PHLPP1: variants seen among roughly 807,000 people sequenced by gnomAD.
PHLPP1 encodes PH domain leucine-rich repeat-containing protein phosphatase 1.
PHLPP1 carries 42 observed loss-of-function variants against 117.2 expected under a neutral mutation model. The observed-to-expected ratio is 0.36, with a 90% confidence interval of 0.28 to 0.46. PHLPP1 has a LOEUF of 0.46. PHLPP1 is among the 20% of genes least tolerant of loss of function. The pLI, the probability that PHLPP1 is intolerant of heterozygous loss-of-function variation, is 1.00. For synonymous variants in PHLPP1, 1,042 were observed against 970.7 expected (o/e 1.07, Z -1.37); for missense variants, 2,084 against 2,241.9 (o/e 0.93, Z 1.42).
Position 62,715,762 on chromosome 18 carries a change from GCC to G in PHLPP1, c.80_81del (p.Ala27GlyfsTer235). The G allele has an allele frequency of 1.8e-5, 17 of 956,808 alleles. No homozygotes were observed. The highest frequency in any genetic ancestry group is 5.5e-5 in the East Asian group (1 of 18,024). 59.3% of individuals were successfully genotyped at this position (956,808 alleles called of 1,614,324 possible). A position where few individuals can be genotyped will look rare whatever the true frequency, so the allele number is the denominator to read the frequency against. The stretch of plus-strand genomic sequence containing the variant: ...GGACCGAGCTTCGGCTCCGGCGGCC[GCC>G]GCTGCGGCAGCAGCAGCAGCAGCGG... ...REDRASAPAAAAAAAAAAAAA... is the reference protein window; with the variant it reads ...REDRASAPAAXAAAAAAAAAA... On this transcript the variant is annotated frameshift_variant, in exon 1 of 17. Transcript: ENST00000262719. LOFTEE classifies it high-confidence loss of function.
intron 4 of PHLPP1, among the ~76,000 whole-genome samples, chr18:62,873,590 C>G (rs1462707823): frequency 6.6e-6 from 1 of 152,110 alleles, no homozygotes; most frequent in Non-Finnish European, 1.5e-5. Context: ...TATAGAGAAA[C>G]AAAACTAGCA....
intron 1 of PHLPP1, among the ~76,000 whole-genome samples, chr18:62,805,134 T>C (rs929219841): frequency 1.4e-5 from 2 of 142,044 alleles, no homozygotes; most frequent in Admixed American, 1.4e-4. Context: ...CTGCATAGGT[T>C]ATACATATAC....
intron 4 of PHLPP1, among the ~76,000 whole-genome samples, chr18:62,877,869 T>C (rs1202178230): frequency 1.3e-5 from 2 of 152,218 alleles, no homozygotes; most frequent in Non-Finnish European, 2.9e-5. Flanking sequence ...TTCCCTCATA[T>C]AGTACATTTT....
In PHLPP1 at chr18:62,980,256, C is replaced by G. The variant is rs1192208798; in HGVS notation, c.*825C>G. ...AGGGCCCTGAACCCATTTTCCTCCC[C>G]TGTCCCAGCCTTCCCACTTTGACAG... On this transcript the variant is annotated 3_prime_UTR_variant, in exon 17 of 17. Transcript: ENST00000262719. 1.3e-5 allele frequency: 2 copies of G among 153,020 alleles called. No individual in the cohort carries two copies. The highest frequency in any genetic ancestry group is 4.8e-5 in the African/African-American group (2 of 41,456). 9.5% of individuals were successfully genotyped at this position (153,020 alleles called of 1,614,324 possible). A position where few individuals can be genotyped will look rare whatever the true frequency, so the allele number is the denominator to read the frequency against.
chr18:62,971,154 A>C (rs1475920929), intron 14 of PHLPP1, among the ~76,000 whole-genome samples: 1 of 152,054 alleles, frequency 6.6e-6, no homozygotes, highest in Non-Finnish European at 1.5e-5. Flanking sequence ...GTTTCTAGCA[A>C]TTTGATTTTG....
intron 10 of PHLPP1, among the ~76,000 whole-genome samples, chr18:62,933,252 GA>G (rs1402112929): frequency 2.0e-5 from 3 of 151,886 alleles, no homozygotes; most frequent in Non-Finnish European, 4.4e-5. Flanking sequence ...CATGAAATTA[GA>G]AAAAAATTAT....
At chr18:62,875,080 G>A (rs968318510) in intron 4 of PHLPP1, among the ~76,000 whole-genome samples, 8 of 152,160 alleles carry the variant, frequency 5.3e-5, no homozygotes, top group Admixed American at 2.0e-4. Flanking sequence ...TCAGCCTCCC[G>A]AGTAGCTGGG....
chr18:62,905,105 C>T, intron 7 of PHLPP1, 119 bp from the exon 8 acceptor site: 1 of 496,276 alleles, frequency 2.0e-6, no homozygotes, highest in Non-Finnish European at 3.3e-6. Flanking sequence ...ATGTATTGTA[C>T]TTCCTAAACT....
At chr18:62,935,457 C>T (rs1267589730) in intron 10 of PHLPP1, among the ~76,000 whole-genome samples, 1 of 152,116 alleles carries the variant, frequency 6.6e-6, no homozygotes, top group African/African-American at 2.4e-5. Flanking sequence ...GATTACTTTG[C>T]AAATTTAACA....
chr18:62,933,372 C>T (rs2047820137), intron 10 of PHLPP1, among the ~76,000 whole-genome samples: 1 of 151,898 alleles, frequency 6.6e-6, no homozygotes, highest in Non-Finnish European at 1.5e-5. Context: ...ATACTGCAAA[C>T]ACTGTAGGTA....
At chr18:62,900,313 A>T (rs1599110593) in intron 6 of PHLPP1, among the ~76,000 whole-genome samples, 1 of 17,504 alleles carries the variant, frequency 5.7e-5, no homozygotes, top group African/African-American at 1.9e-4. Flanking sequence ...ATAAATAAAT[A>T]AATAAATAAA....
At chr18:62,755,988 C>A (rs900575557) in intron 1 of PHLPP1, among the ~76,000 whole-genome samples, 6 of 148,202 alleles carry the variant, frequency 4.0e-5, no homozygotes, top group African/African-American at 1.3e-4. Context: ...TTGTTCCCCC[C>A]CCCCTTCAAT....
chr18:62,940,738 AATTT>A (rs1268727947), intron 10 of PHLPP1, among the ~76,000 whole-genome samples: 2 of 152,036 alleles, frequency 1.3e-5, no homozygotes, highest in African/African-American at 4.8e-5. Flanking sequence ...TTTAATGTAA[AATTT>A]ATTTAAGTAC....
intron 1 of PHLPP1, among the ~76,000 whole-genome samples, chr18:62,742,808 A>T (rs1911569366): frequency 6.6e-6 from 1 of 152,238 alleles, no homozygotes; most frequent in Admixed American, 6.5e-5. Context: ...TCCTTTTCTT[A>T]GAAAAGAAAA....
Position 62,926,380 on chromosome 18 carries a change from C to T in PHLPP1, c.2960+6266C>T, listed in dbSNP as rs184546231. Among the ~76,000 whole-genome samples, 670 of 152,280 alleles carry T rather than the reference C, an allele frequency of 4.4e-3. 1 individual carries two copies. Among genetic ancestry groups the T allele is most frequent in the Non-Finnish European group, 6.8e-3 (460 of 68,028 alleles). Reference sequence around the variant, plus strand: ...GTTTAGCCAGAAGCTTCCAAGTATTCCTGTGTTCAGCTGTGAACATTGCTC... The same window carrying T: ...GTTTAGCCAGAAGCTTCCAAGTATTTCTGTGTTCAGCTGTGAACATTGCTC... On this transcript the variant is annotated intron_variant, in intron 10 of 16. Coordinates refer to ENST00000262719, the MANE Select transcript of PHLPP1 (RefSeq NM_194449.4).
chr18:62,885,256 C>T (rs1916257497), intron 4 of PHLPP1, among the ~76,000 whole-genome samples: 1 of 152,114 alleles, frequency 6.6e-6, no homozygotes, highest in South Asian at 2.1e-4. Flanking sequence ...TTCTTTCCTG[C>T]CCTTGGATAA....
At chr18:62,856,135 A>C (rs1408246900) in intron 3 of PHLPP1, among the ~76,000 whole-genome samples, 1 of 152,096 alleles carries the variant, frequency 6.6e-6, no homozygotes, top group Non-Finnish European at 1.5e-5. Context: ...GTACTATGGC[A>C]TTTTATGTCA....
chr18:62,937,222 A>G (rs1268647217), intron 10 of PHLPP1, among the ~76,000 whole-genome samples: 1 of 152,264 alleles, frequency 6.6e-6, no homozygotes, highest in Non-Finnish European at 1.5e-5. Context: ...TGCCAAGGAG[A>G]GCAGAGCAAT....
intron 1 of PHLPP1, among the ~76,000 whole-genome samples, chr18:62,810,032 C>G (rs112483944): frequency 3.2e-4 from 49 of 152,210 alleles, no homozygotes; most frequent in African/African-American, 1.1e-3. Flanking sequence ...TAAGTCTTTT[C>G]TGAGTGCTAA....
Sources: allele counts gnomAD v4.1 joint callset (sites outside exome capture counted in the v4.1 genomes callset), GRCh38; gene constraint gnomAD v4.1.1; transcripts MANE v1.5; gene names NCBI Gene and HGNC (gene_info 2026-07-23, HGNC 2026-07-21).